The following SH3RF1 variants were observed in gnomAD, a reference collection of about 807,000 sequenced individuals.
SH3RF1 encodes the protein E3 ubiquitin-protein ligase SH3RF1.
SH3RF1 carries 32 observed loss-of-function variants against 74.0 expected under a neutral mutation model. That is an observed-to-expected ratio of 0.43 (90% CI 0.33 to 0.58). The LOEUF (loss-of-function observed/expected upper bound fraction) is 0.58. SH3RF1 is among the 20% of genes least tolerant of loss of function. The pLI, the probability that SH3RF1 is intolerant of heterozygous loss-of-function variation, is 0.05. For missense variants in SH3RF1, 954 were observed against 1,130.9 expected (o/e 0.84, Z 2.24); for synonymous variants, 396 against 439.6 (o/e 0.90, Z 1.24).
chr4:169,138,052 T>C (rs1293411314), intron 4 of SH3RF1, among the ~76,000 whole-genome samples: 1 of 152,192 alleles, frequency 6.6e-6, no homozygotes, highest in Non-Finnish European at 1.5e-5. Flanking sequence ...AGAAAGATCA[T>C]AAAGACTTCT....
chr4:169,171,051 G>T (rs561395943), intron 2 of SH3RF1, among the ~76,000 whole-genome samples: 2 of 152,184 alleles, frequency 1.3e-5, no homozygotes, highest in Non-Finnish European at 2.9e-5. Flanking sequence ...TGACCTAAAG[G>T]TTTCTCCACA....
intron 2 of SH3RF1, among the ~76,000 whole-genome samples, chr4:169,221,787 G>A (rs984647399): frequency 8.5e-5 from 13 of 152,088 alleles, no homozygotes; most frequent in African/African-American, 2.4e-4. Flanking sequence ...CATCACTTAC[G>A]TAATATCTGA....
chr4:169,215,319 T>C (rs1185720477), intron 2 of SH3RF1, among the ~76,000 whole-genome samples: 1 of 152,236 alleles, frequency 6.6e-6, no homozygotes. Flanking sequence ...GGTCATTGTG[T>C]ATAATTCTTT....
intron 2 of SH3RF1, among the ~76,000 whole-genome samples, chr4:169,225,337 A>G (rs572576349): frequency 6.6e-6 from 1 of 152,346 alleles, no homozygotes; most frequent in Admixed American, 6.5e-5. Context: ...GAGCTCCAGC[A>G]CAAGTGAGGG....
intron 2 of SH3RF1, among the ~76,000 whole-genome samples, chr4:169,235,272 C>T (rs1273143549): frequency 1.3e-5 from 2 of 152,156 alleles, no homozygotes; most frequent in South Asian, 2.1e-4. Flanking sequence ...AGACTAAACT[C>T]GTCATCAAAG....
chr4:169,182,020 G>A, intron 2 of SH3RF1, among the ~76,000 whole-genome samples: 1 of 152,124 alleles, frequency 6.6e-6, no homozygotes, highest in East Asian at 1.9e-4. Flanking sequence ...TATCTTCAGG[G>A]TCTGGAGCTA....
intron 2 of SH3RF1, among the ~76,000 whole-genome samples, chr4:169,243,605 A>G (rs564797011): frequency 1.1e-4 from 17 of 152,358 alleles, no homozygotes; most frequent in African/African-American, 3.1e-4. Flanking sequence ...TTTAATCTTC[A>G]AACAGTATTT....
intron 2 of SH3RF1, among the ~76,000 whole-genome samples, chr4:169,170,030 C>A (rs2126972597): frequency 6.6e-6 from 1 of 150,962 alleles, no homozygotes; most frequent in Admixed American, 6.6e-5. Context: ...ACAATTTTAT[C>A]AATAGATAGA....
chr4:169,232,678 C>T (rs1367199025), intron 2 of SH3RF1, among the ~76,000 whole-genome samples: 2 of 152,096 alleles, frequency 1.3e-5, no homozygotes, highest in Non-Finnish European at 2.9e-5. Flanking sequence ...GCTGTAAGAG[C>T]ATGGAACATT....
At chr4:169,211,110 C>T (rs1182532625) in intron 2 of SH3RF1, among the ~76,000 whole-genome samples, 1 of 151,990 alleles carries the variant, frequency 6.6e-6, no homozygotes, top group Non-Finnish European at 1.5e-5. Flanking sequence ...ATCCTTAAAC[C>T]CAAAATCCCA....
intron 2 of SH3RF1, among the ~76,000 whole-genome samples, chr4:169,206,431 G>C (rs1225584655): frequency 1.3e-5 from 2 of 152,192 alleles, no homozygotes; most frequent in Non-Finnish European, 2.9e-5. Context: ...CCAGTACTTT[G>C]GGAAGCCAAG....
At chr4:169,192,643 C>T (rs751649886) in intron 2 of SH3RF1, among the ~76,000 whole-genome samples, 1 of 151,920 alleles carries the variant, frequency 6.6e-6, no homozygotes, top group Non-Finnish European at 1.5e-5. Context: ...TGGGTATCTA[C>T]CCAAAGGAAA....
At chr4:169,230,337 T>C (rs1384601703) in intron 2 of SH3RF1, among the ~76,000 whole-genome samples, 2 of 152,236 alleles carry the variant, frequency 1.3e-5, no homozygotes, top group African/African-American at 4.8e-5. Context: ...GAGCCGTGGA[T>C]GCCCCATCCA....
In SH3RF1 at chr4:169,102,406, T is replaced by C. The variant is rs564185558; in HGVS notation, c.2498+4441A>G. ...AAGATCATACATAGATTTTTTTTTT[T>C]CCCCCAATTTAGGAGATGAGCTTAT... On this transcript the variant is annotated intron_variant, in intron 11 of 11. Coordinates refer to ENST00000284637, the MANE Select transcript of SH3RF1 (RefSeq NM_020870.4). 2.4e-3 allele frequency among the ~76,000 whole-genome samples: 366 copies of C among 151,356 alleles called. 1 individual carries two copies. The highest frequency in any genetic ancestry group is 7.9e-3 in the African/African-American group (325 of 41,276).
chr4:169,110,211 C>A (rs1733217581), intron 10 of SH3RF1, among the ~76,000 whole-genome samples: 1 of 149,764 alleles, frequency 6.7e-6, no homozygotes, highest in African/African-American at 2.5e-5. Context: ...CCATCTCTAC[C>A]AAAAAAAAAT....
At chr4:169,105,710 A>G (rs1227316270) in intron 11 of SH3RF1, among the ~76,000 whole-genome samples, 1 of 152,206 alleles carries the variant, frequency 6.6e-6, no homozygotes, top group African/African-American at 2.4e-5. Flanking sequence ...CCTGGGCAAC[A>G]TGGGAGACCC....
Position 169,116,123 on chromosome 4 carries a change from C to A in SH3RF1, c.2139+146G>T, listed in dbSNP as rs1437750534. 3.7e-5 allele frequency: 42 copies of A among 1,145,606 alleles called. No homozygotes were observed. The East Asian group carries it at 1.0e-3, about 29-fold the overall frequency. The allele number at this position is 1,145,606 out of a possible 1,614,324, so 71.0% of individuals were successfully genotyped here. On this transcript the variant is annotated intron_variant, in intron 10 of 11. Transcript: ENST00000284637. ...TTTCTTCCCCACTCTACTCCTAGCACCTGGCATAGTGACTCACACGTAGGG... is the reference window on the plus strand; with the variant it reads ...TTTCTTCCCCACTCTACTCCTAGCAACTGGCATAGTGACTCACACGTAGGG...
intron 2 of SH3RF1, among the ~76,000 whole-genome samples, chr4:169,194,958 G>C (rs3113832): frequency 0.47 from 71,368 of 152,048 alleles, 18,019 homozygotes; most frequent in East Asian, 0.78. Flanking sequence ...TAAAACCCAA[G>C]AAGACATTGA....
chr4:169,132,534 A>T (rs751088048), intron 5 of SH3RF1, among the ~76,000 whole-genome samples: 1 of 152,252 alleles, frequency 6.6e-6, no homozygotes, highest in African/African-American at 2.4e-5. Flanking sequence ...AAGGACAAAA[A>T]GTAGAAGTAA....
Sources: allele counts gnomAD v4.1 joint callset (sites outside exome capture counted in the v4.1 genomes callset), GRCh38; gene constraint gnomAD v4.1.1; transcripts MANE v1.5; gene names NCBI Gene and HGNC (gene_info 2026-07-23, HGNC 2026-07-21).